Variants in TMEM17 observed in about 807,000 individuals in gnomAD.
TMEM17 encodes the protein transmembrane protein 17.
In TMEM17, 15 loss-of-function variants were observed where a neutral mutation model predicts 19.1. That is an observed-to-expected ratio of 0.78 (90% CI 0.52 to 1.21). The LOEUF (loss-of-function observed/expected upper bound fraction) is 1.21, where lower values mean the gene tolerates loss of function less well. Ranked by LOEUF, TMEM17 falls within the 50% of genes most tolerant of loss-of-function variation. The pLI is 0.00. For missense variants in TMEM17, 245 were observed against 242.3 expected, an observed-to-expected ratio of 1.01 and a Z score of -0.07; for synonymous variants, 103 against 86.9, an observed-to-expected ratio of 1.19 and a Z score of -1.03.
chr2:62,453,679 A>G, the TMEM17 span, among the ~76,000 whole-genome samples: 1 of 152,236 alleles, frequency 6.6e-6, no homozygotes. Flanking sequence ...TCTACCAGCA[A>G]TGTTTGACTC....
the TMEM17 span, among the ~76,000 whole-genome samples, chr2:62,488,792 CTTTTTTTT>C: frequency 1.2e-4 from 14 of 119,024 alleles, no homozygotes; most frequent in Middle Eastern, 3.8e-3. Flanking sequence ...TTTTATTCTA[CTTTTTTTT>C]TTTTTTTTTT....
the TMEM17 span, among the ~76,000 whole-genome samples, chr2:62,468,109 G>A: frequency 6.6e-6 from 1 of 152,042 alleles, no homozygotes; most frequent in Non-Finnish European, 1.5e-5. Flanking sequence ...GGGCTGGAGT[G>A]ATTCCCTTTC....
At chr2:62,494,208 G>T in the TMEM17 span, among the ~76,000 whole-genome samples, 3 of 152,196 alleles carry the variant, frequency 2.0e-5, no homozygotes, top group Non-Finnish European at 4.4e-5. Context: ...TGACTTTACA[G>T]AACAAAATCA....
chr2:62,469,746 G>T, the TMEM17 span, among the ~76,000 whole-genome samples: 1 of 152,248 alleles, frequency 6.6e-6, no homozygotes. Context: ...ATAGGAAAGT[G>T]TGCAAGGAGG....
chr2:62,469,620 GC>G, the TMEM17 span, among the ~76,000 whole-genome samples: 2 of 152,224 alleles, frequency 1.3e-5, no homozygotes, highest in Non-Finnish European at 2.9e-5. Flanking sequence ...GTTGCCTGTT[GC>G]CAGGTGTTGG....
At chr2:62,475,881 A>C in the TMEM17 span, among the ~76,000 whole-genome samples, 3 of 152,120 alleles carry the variant, frequency 2.0e-5, no homozygotes, top group Non-Finnish European at 4.4e-5. Flanking sequence ...ATTAATTGCC[A>C]TGTTGTGGAA....
chr2:62,477,386 G>A, the TMEM17 span, among the ~76,000 whole-genome samples: 9 of 106,554 alleles, frequency 8.4e-5, no homozygotes, highest in Non-Finnish European at 1.3e-4. Context: ...GACAGAGCGA[G>A]ACTCCGTCTC....
chr2:62,491,925 CAA>C, the TMEM17 span, among the ~76,000 whole-genome samples: 4 of 108,378 alleles, frequency 3.7e-5, no homozygotes, highest in Admixed American at 9.2e-5. Flanking sequence ...GGCAAAAAAC[CAA>C]AAAAAAAAAA....
At chr2:62,501,941 G>A (rs1256172612) in intron 3 of TMEM17, 1 of 165,064 alleles carries the variant, frequency 6.1e-6, no homozygotes, top group East Asian at 1.7e-4. Flanking sequence ...AGGCTGGGTG[G>A]GGCCTTATTA....
the TMEM17 span, among the ~76,000 whole-genome samples, chr2:62,488,636 C>T: frequency 6.6e-6 from 1 of 151,986 alleles, no homozygotes; most frequent in Non-Finnish European, 1.5e-5. Flanking sequence ...AAGCTTAATT[C>T]CCTCTGCAAC....
rs567589595 is a variant in TMEM17, at chr2:62,502,561, A to G, written c.205-11T>C. On this transcript the variant is annotated splice_polypyrimidine_tract_variant and intron_variant, in intron 2 of 3. Transcript: ENST00000335390. Reference sequence around the variant, plus strand: ...AGGTAAGATTGAATACTAAAAGAAAAGCCAAAACATGTTTGTAAAATCTCA... The same window carrying G: ...AGGTAAGATTGAATACTAAAAGAAAGGCCAAAACATGTTTGTAAAATCTCA... 9 of 1,550,588 alleles carry G rather than the reference A, an allele frequency of 5.8e-6. No individual in the cohort carries two copies. The South Asian group carries it at 9.3e-5, about 16-fold the overall frequency.
chr2:62,459,564 G>A, the TMEM17 span, among the ~76,000 whole-genome samples: 1 of 152,172 alleles, frequency 6.6e-6, no homozygotes, highest in Non-Finnish European at 1.5e-5. Context: ...CTTAACCAGG[G>A]CTAATGCTTT....
At position 62,503,573 on chromosome 2, in the gene TMEM17, A is replaced by C. The variant is rs1573437404; in HGVS notation, c.101-779T>G. 3.3e-5 allele frequency among the ~76,000 whole-genome samples: 5 copies of C among 152,258 alleles called. No individual in the cohort carries two copies. The South Asian group carries it at 1.0e-3, about 32-fold the overall frequency. The stretch of plus-strand genomic sequence containing the variant: ...ATTTCTTCATCTGTAAAATAGTGAA[A>C]TTAAAACTTCCTCACAGGCTGTTTG... On this transcript the variant is annotated intron_variant, in intron 1 of 3. Coordinates refer to ENST00000335390, the MANE Select transcript of TMEM17 (RefSeq NM_198276.3).
chr2:62,498,795 T>A (rs1395153689), downstream of TMEM17, among the ~76,000 whole-genome samples: 1 of 152,040 alleles, frequency 6.6e-6, no homozygotes, highest in African/African-American at 2.4e-5. Context: ...AAAATGTTTG[T>A]GAAGTTCAAC....
the TMEM17 span, among the ~76,000 whole-genome samples, chr2:62,471,788 G>A: frequency 2.6e-5 from 4 of 152,270 alleles, no homozygotes; most frequent in Non-Finnish European, 5.9e-5. Context: ...CATGGATAAT[G>A]GCTGTGGGCT....
chr2:62,459,626 C>T, the TMEM17 span, among the ~76,000 whole-genome samples: 1 of 152,252 alleles, frequency 6.6e-6, no homozygotes, highest in Non-Finnish European at 1.5e-5. Context: ...TACAAACAAA[C>T]TGTAATACTT....
At chr2:62,472,483 C>T in the TMEM17 span, among the ~76,000 whole-genome samples, 6 of 152,192 alleles carry the variant, frequency 3.9e-5, no homozygotes, top group Non-Finnish European at 7.3e-5. Context: ...CTGTCTGTCT[C>T]CCAAATGAAG....
the TMEM17 span, chr2:62,491,519 A>T: frequency 6.6e-6 from 1 of 152,510 alleles, no homozygotes; most frequent in African/African-American, 2.4e-5. Flanking sequence ...ACCCTCAGTT[A>T]ATTTGTAGAA....
At chr2:62,461,769 G>A in the TMEM17 span, among the ~76,000 whole-genome samples, 2 of 152,176 alleles carry the variant, frequency 1.3e-5, no homozygotes, top group Admixed American at 1.3e-4. Flanking sequence ...GAAAACCTCG[G>A]AAGCAGCCCC....
Sources: gnomAD v4.1 joint callset for allele counts (sites outside exome capture counted in the v4.1 genomes callset) on GRCh38, gnomAD v4.1.1 for gene constraint, MANE v1.5 for transcripts, NCBI Gene and HGNC (gene_info 2026-07-23, HGNC 2026-07-21) for gene names.